G3BP2: variants seen among roughly 807,000 people sequenced by gnomAD.
The protein encoded by G3BP2 is G3BP stress granule assembly factor 2.
Under a neutral mutation model 56.7 loss-of-function variants are expected in G3BP2, and 11 were observed. That is an observed-to-expected ratio of 0.19 (90% CI 0.12 to 0.32). The LOEUF is 0.32. Ranked by LOEUF, G3BP2 falls within the 10% of genes least tolerant of loss-of-function variation. The probability of loss-of-function intolerance (pLI) is 1.00; values close to 1 mark genes in which losing one functional copy is unlikely to be tolerated. For synonymous variants in G3BP2, 165 were observed against 191.6 expected (o/e 0.86, Z 1.15); for missense variants, 340 against 610.9 (o/e 0.56, Z 4.67).
At chr4:75,696,813 T>C (rs1018114903) in intron 3 of G3BP2, among the ~76,000 whole-genome samples, 1 of 152,176 alleles carries the variant, frequency 6.6e-6, no homozygotes, top group African/African-American at 2.4e-5. Flanking sequence ...CACAGGTCCA[T>C]GTTCACATGC....
At chr4:75,710,536 A>G (rs1719715860) in intron 3 of G3BP2, among the ~76,000 whole-genome samples, 1 of 152,220 alleles carries the variant, frequency 6.6e-6, no homozygotes, top group South Asian at 2.1e-4. Flanking sequence ...AAGCTCCACA[A>G]AAGCAAACAT....
chr4:75,648,261 T>G (rs1268632261), intron 9 of G3BP2, among the ~76,000 whole-genome samples: 1 of 150,110 alleles, frequency 6.7e-6, no homozygotes, highest in Non-Finnish European at 1.5e-5. Flanking sequence ...GGCAAGGGAA[T>G]CATTTGAACC....
chr4:75,679,961 A>G (rs1734009600), intron 3 of G3BP2, among the ~76,000 whole-genome samples: 2 of 152,230 alleles, frequency 1.3e-5, no homozygotes, highest in East Asian at 1.9e-4. Context: ...AAAAGAGGAA[A>G]TATTTCACCA....
upstream of G3BP2, among the ~76,000 whole-genome samples, chr4:75,674,687 T>C (rs1733767620): frequency 1.6e-5 from 2 of 121,326 alleles, no homozygotes; most frequent in Non-Finnish European, 3.5e-5. Flanking sequence ...AGTTGCTATA[T>C]GTATGTACAT....
intron 1 of G3BP2, among the ~76,000 whole-genome samples, chr4:75,672,140 C>G (rs1733535500): frequency 6.6e-6 from 1 of 152,168 alleles, no homozygotes; most frequent in Non-Finnish European, 1.5e-5. Context: ...CTTTACTATT[C>G]CAGCTAAAAG....
At chr4:75,723,636 A>G (rs1367023813) in intron 1 of G3BP2, among the ~76,000 whole-genome samples, 5 of 152,198 alleles carry the variant, frequency 3.3e-5, no homozygotes, top group Non-Finnish European at 7.3e-5. Context: ...GGTACTACTG[A>G]GCACGGCACG....
intron 2 of G3BP2, among the ~76,000 whole-genome samples, chr4:75,659,641 T>C (rs934527150): frequency 6.6e-6 from 1 of 152,208 alleles, no homozygotes; most frequent in African/African-American, 2.4e-5. Context: ...TCCTTTATGC[T>C]AAGCAATGTT....
chr4:75,655,693 C>G (rs1732042032), intron 6 of G3BP2, 75 bp downstream of exon 6: 2 of 776,672 alleles, frequency 2.6e-6, no homozygotes, highest in Admixed American at 4.2e-5. Context: ...TTACTTTCAA[C>G]AATAATTCTA....
chr4:75,714,983 C>G (rs942784966), intron 3 of G3BP2, among the ~76,000 whole-genome samples: 3 of 152,178 alleles, frequency 2.0e-5, no homozygotes, highest in African/African-American at 7.2e-5. Context: ...TCTATTGCAG[C>G]ACGTGGTAAT....
rs988079832 is a variant in G3BP2, at chr4:75,682,278, G to A, written c.-24-20229C>T. 6.2e-4 allele frequency among the ~76,000 whole-genome samples: 95 copies of A among 152,176 alleles called. 2 individuals carry two copies. The highest frequency in any genetic ancestry group is 6.2e-3 in the Admixed American group (94 of 15,282). ...AAAAATACAAAAATTAGCTGGGTGTGGTGGCACACGCCTGTAGTCCCAGCT... is the reference window on the plus strand; with the variant it reads ...AAAAATACAAAAATTAGCTGGGTGTAGTGGCACACGCCTGTAGTCCCAGCT... On this transcript the variant is annotated intron_variant, in intron 3 of 3. Coordinates refer to the G3BP2 transcript ENST00000499709.
intron 3 of G3BP2, among the ~76,000 whole-genome samples, chr4:75,711,409 T>TA (rs1328507278): frequency 6.7e-6 from 1 of 149,030 alleles, no homozygotes; most frequent in Non-Finnish European, 1.5e-5. Context: ...GTGAGGAAAA[T>TA]AAAAAAAGAA....
chr4:75,671,248 T>C (rs749419582), intron 1 of G3BP2, among the ~76,000 whole-genome samples: 5 of 152,178 alleles, frequency 3.3e-5, no homozygotes, highest in Non-Finnish European at 7.3e-5. Flanking sequence ...AAAATCAACA[T>C]TGAAAAGGAG....
rs531151673 is a variant in G3BP2, at chr4:75,644,177, C to T, written c.*1253G>A. ...GAATCTGACTGCTTTTAAAATGTCA[C>T]TAAAAATGTACGTCAAGTTGACTGA... On this transcript the variant is annotated 3_prime_UTR_variant, in exon 12 of 12. Coordinates refer to ENST00000359707, the MANE Select transcript of G3BP2 (RefSeq NM_203505.3). The T allele has an allele frequency of 6.6e-6, 1 of 152,526 alleles. No homozygotes were observed. Among genetic ancestry groups the T allele is most frequent in the African/African-American group, 2.4e-5 (1 of 41,438 alleles). The allele number at this position is 152,526 out of a possible 1,614,324, so 9.4% of individuals were successfully genotyped here. A position where few individuals can be genotyped will look rare whatever the true frequency, so the allele number is the denominator to read the frequency against.
intron 2 of G3BP2, among the ~76,000 whole-genome samples, chr4:75,659,608 T>C (rs1732388048): frequency 1.3e-5 from 2 of 152,208 alleles, no homozygotes. Context: ...ACAACTCCTA[T>C]AGTAATAAAA....
At chr4:75,690,553 G>A (rs972613385) in intron 3 of G3BP2, among the ~76,000 whole-genome samples, 2 of 152,102 alleles carry the variant, frequency 1.3e-5, no homozygotes, top group Admixed American at 1.3e-4. Flanking sequence ...AGGACTGAGG[G>A]TTGAAAGGTA....
At position 75,649,343 on chromosome 4, in the gene G3BP2, T is replaced by A. The variant is rs147215649; in HGVS notation, c.826-602A>T. On this transcript the variant is annotated intron_variant, in intron 8 of 11. Transcript: ENST00000359707. ...ACAGAAACTTATAGGAACTTGTATGTAGCATCTCAAATAGTTAAAGTCCTT... is the reference window on the plus strand; with the variant it reads ...ACAGAAACTTATAGGAACTTGTATGAAGCATCTCAAATAGTTAAAGTCCTT... Among the ~76,000 whole-genome samples, 40 of 152,334 alleles carry A rather than the reference T, an allele frequency of 2.6e-4. No homozygotes were observed. In the East Asian group the frequency reaches 7.7e-3, roughly 29 times the overall value.
chr4:75,719,725 G>C (rs1032799271), intron 3 of G3BP2, among the ~76,000 whole-genome samples: 1 of 151,954 alleles, frequency 6.6e-6, no homozygotes, highest in South Asian at 2.1e-4. Flanking sequence ...GAGTAGCTAG[G>C]ATTACAGGCA....
At chr4:75,677,150 TAAGAC>T (rs149622578), upstream of G3BP2, among the ~76,000 whole-genome samples, 383 of 152,336 alleles carry the variant, frequency 2.5e-3, no homozygotes, top group African/African-American at 8.8e-3. Context: ...TTGAATAAGA[TAAGAC>T]ATTTGAATTT....
intron 3 of G3BP2, among the ~76,000 whole-genome samples, chr4:75,682,230 C>T (rs529248764): frequency 1.3e-5 from 2 of 152,022 alleles, no homozygotes; most frequent in Non-Finnish European, 2.9e-5. Flanking sequence ...TCCTAGCCAA[C>T]ATGGTGAAAC....
Sources: allele counts gnomAD v4.1 joint callset (sites outside exome capture counted in the v4.1 genomes callset), GRCh38; gene constraint gnomAD v4.1.1; transcripts MANE v1.5; gene names NCBI Gene and HGNC (gene_info 2026-07-23, HGNC 2026-07-21).